Variants in C3orf22 observed in about 807,000 individuals in gnomAD.
C3orf22 encodes the protein uncharacterized protein C3orf22.
Under a neutral mutation model 10.8 loss-of-function variants are expected in C3orf22, and 7 were observed. The ratio of observed to expected loss-of-function variants is 0.65; its 90% confidence interval spans 0.37 to 1.22. The LOEUF is 1.22. C3orf22 is among the 50% of genes most tolerant of loss of function. C3orf22 has a pLI of 0.02. For synonymous variants in C3orf22, 79 were observed against 78.9 expected (o/e 1.00, Z 0.00); for missense variants, 173 against 177.0 (o/e 0.98, Z 0.13).
chr3:126,554,259 GTTGTTTTT>G (rs1258114895), intron 1 of C3orf22, among the ~76,000 whole-genome samples: 26 of 129,244 alleles, frequency 2.0e-4, no homozygotes, highest in South Asian at 2.3e-4. Flanking sequence ...TTGTTTTTCT[GTTGTTTTT>G]TTTTTTTTTT....
downstream of C3orf22, among the ~76,000 whole-genome samples, chr3:126,548,377 G>T (rs1937104055): frequency 6.6e-6 from 1 of 152,218 alleles, no homozygotes; most frequent in Non-Finnish European, 1.5e-5. Flanking sequence ...GTGGTGAAGT[G>T]GGGGAAGGAG....
downstream of C3orf22, among the ~76,000 whole-genome samples, chr3:126,545,114 C>T (rs967612042): frequency 2.6e-5 from 4 of 152,268 alleles, no homozygotes; most frequent in Non-Finnish European, 5.9e-5. Context: ...GTCACATGTG[C>T]AGAGCTGGAC....
chr3:126,529,101 G>C (rs1449619072), intron 5 of C3orf22: 1 of 380,604 alleles, frequency 2.6e-6, no homozygotes, highest in Non-Finnish European at 5.2e-6. Context: ...TCTGCAAACA[G>C]CATCCCCCTA....
At chr3:126,539,800 CCACACCACACACCACAAACACACAT>C (rs1936899975) in intron 4 of C3orf22, among the ~76,000 whole-genome samples, 1 of 8,466 alleles carries the variant, frequency 1.2e-4, no homozygotes, top group Admixed American at 1.3e-3. Flanking sequence ...ACCACAGACA[CCACACCACACACCACAAACACACAT>C]ACCACACACA....
At chr3:126,545,096 A>C (rs1281924110), downstream of C3orf22, among the ~76,000 whole-genome samples, 1 of 152,228 alleles carries the variant, frequency 6.6e-6, no homozygotes. Context: ...GGATACAAGA[A>C]AGACAGGGTC....
At chr3:126,544,857 A>G (rs1406231934), downstream of C3orf22, among the ~76,000 whole-genome samples, 2 of 152,204 alleles carry the variant, frequency 1.3e-5, no homozygotes, top group Admixed American at 6.5e-5. Context: ...AGTGTCACCC[A>G]GACGCTGTGC....
intron 3 of C3orf22, among the ~76,000 whole-genome samples, 167 bp downstream of exon 3, chr3:126,551,830 A>G (rs1472649992): frequency 6.6e-6 from 1 of 152,342 alleles, no homozygotes; most frequent in South Asian, 2.1e-4. Flanking sequence ...GGCTGTGGGA[A>G]CAATTATCAG....
At chr3:126,547,074 G>A (rs1446965765), downstream of C3orf22, among the ~76,000 whole-genome samples, 1 of 152,162 alleles carries the variant, frequency 6.6e-6, no homozygotes, top group Non-Finnish European at 1.5e-5. Flanking sequence ...ATAAACTCCT[G>A]GGAGAGGGTC....
At chr3:126,542,180 C>CCG in intron 4 of C3orf22, 1 of 1,450,100 alleles carries the variant, frequency 6.9e-7, no homozygotes, top group Non-Finnish European at 9.0e-7. Context: ...GCGCCTGCGG[C>CCG]CGCGCGCGCT....
Position 126,558,632 on chromosome 3 carries a change from A to G in C3orf22, c.-46T>C, listed in dbSNP as rs1937409422. 1 of 152,346 alleles carries G rather than the reference A, an allele frequency of 6.6e-6. No homozygotes were observed. Among genetic ancestry groups the G allele is most frequent in the South Asian group, 2.1e-4 (1 of 4,834 alleles). 9.4% of individuals were successfully genotyped at this position (152,346 alleles called of 1,614,324 possible). On this transcript the variant is annotated 5_prime_UTR_variant, in exon 1 of 4. Coordinates refer to ENST00000318225, the MANE Select transcript of C3orf22 (RefSeq NM_152533.3). ...CACAGGCTGCTAGCACTCACCAGGC[A>G]GCTACCTTGAATTCTGGCAGTGACG...
chr3:126,529,930 C>T (rs74400314), intron 4 of C3orf22, among the ~76,000 whole-genome samples: 2,373 of 152,330 alleles, frequency 0.016, 27 homozygotes, highest in African/African-American at 0.023. Context: ...GTCCCCTTGG[C>T]AGGGGGTGGC....
In C3orf22 at chr3:126,535,351, G is replaced by A. The variant is rs78481339; in HGVS notation, c.287-5979C>T. On this transcript the variant is annotated intron_variant and NMD_transcript_variant, in intron 4 of 5. Transcript: ENST00000505070. The stretch of plus-strand genomic sequence containing the variant: ...ACAGACAGCATCCCTGTCCTCAGCC[G>A]GGAGACACACAGACAGCATCGCTGT... Among the ~76,000 whole-genome samples the A allele has an allele frequency of 1.2e-3, 175 of 147,866 alleles. No homozygotes were observed. In the Middle Eastern group the frequency reaches 0.049, roughly 41 times the overall value.
rs1937173699 is a variant in C3orf22, at chr3:126,551,168, GA to G, written c.215+828del. On this transcript the variant is annotated intron_variant, in intron 3 of 3. Coordinates refer to ENST00000318225, the MANE Select transcript of C3orf22 (RefSeq NM_152533.3). ...TATCTCTCCAGGTGTGTGTTCAGGG[GA>G]ACGCGTGTGCATCCTCATGGCTGGC... Among the ~76,000 whole-genome samples, 3 of 152,294 alleles carry G rather than the reference GA, an allele frequency of 2.0e-5. No homozygotes were observed. In the South Asian group the frequency reaches 6.2e-4, roughly 32 times the overall value.
intron 4 of C3orf22, among the ~76,000 whole-genome samples, chr3:126,533,868 T>A (rs542598799): frequency 0.016 from 2,387 of 152,172 alleles, 27 homozygotes; most frequent in African/African-American, 0.023. Context: ...TTTGTGGGAT[T>A]TTTTTTTTAT....
At chr3:126,539,959 CCA>C (rs926386588) in intron 4 of C3orf22, among the ~76,000 whole-genome samples, 7 of 32,908 alleles carry the variant, frequency 2.1e-4, no homozygotes, top group South Asian at 1.2e-3. Context: ...GCCACACATG[CCA>C]CACACACACA....
At chr3:126,549,259 C>A (rs112903109), downstream of C3orf22, among the ~76,000 whole-genome samples, 7,077 of 146,628 alleles carry the variant, frequency 0.048, 389 homozygotes, top group African/African-American at 0.12. Flanking sequence ...ACGCCCCCCC[C>A]CCCACACACA....
At position 126,550,081 on chromosome 3, in the gene C3orf22, A is replaced by C. The variant is rs773972987; in HGVS notation, c.216-3T>G. On this transcript the variant is annotated splice_polypyrimidine_tract_variant and splice_region_variant and intron_variant, in intron 3 of 3. Coordinates refer to ENST00000318225, the MANE Select transcript of C3orf22 (RefSeq NM_152533.3). The stretch of plus-strand genomic sequence containing the variant: ...ATGTAAAATCTGGAGCCCCGAGCCT[A>C]GAGAAGCCACACAGAGCCACGCCTG... 6.2e-7 allele frequency: 1 copy of C among 1,613,810 alleles called. No individual in the cohort carries two copies. The highest frequency in any genetic ancestry group is 1.1e-5 in the South Asian group (1 of 91,064).
rs773365084 is a variant in C3orf22, at chr3:126,542,615, C to A, written c.286+6922G>T. The stretch of plus-strand genomic sequence containing the variant: ...GTCCTGTGGCCACGCGGGGCAAGTG[C>A]CTTTCCGACAAGACCCCCGGGGAAT... On this transcript the variant is annotated intron_variant and NMD_transcript_variant, in intron 4 of 5. Coordinates refer to the C3orf22 transcript ENST00000505070. The A allele has an allele frequency of 1.9e-5, 28 of 1,436,316 alleles. No individual in the cohort carries two copies. In the African/African-American group the frequency reaches 4.0e-4, roughly 21 times the overall value. The allele number at this position is 1,436,316 out of a possible 1,614,324, so 89.0% of individuals were successfully genotyped here.
chr3:126,540,238 A>C (rs1456970831), intron 4 of C3orf22, among the ~76,000 whole-genome samples: 2 of 152,116 alleles, frequency 1.3e-5, no homozygotes, highest in African/African-American at 4.8e-5. Flanking sequence ...GAACTCACAT[A>C]CCATACAACT....
Sources: gnomAD v4.1 joint callset for allele counts (sites outside exome capture counted in the v4.1 genomes callset) on GRCh38, gnomAD v4.1.1 for gene constraint, MANE v1.5 for transcripts, NCBI Gene and HGNC (gene_info 2026-07-23, HGNC 2026-07-21) for gene names.